FOXN3: variants seen among roughly 807,000 people sequenced by gnomAD.
FOXN3 encodes forkhead box protein N3.
In FOXN3, 7 loss-of-function variants were observed where a neutral mutation model predicts 38.4. The observed-to-expected ratio is 0.18, with a 90% CI of 0.10 to 0.34. The LOEUF is 0.34. FOXN3 is among the 10% of genes least tolerant of loss of function. The pLI, the probability that FOXN3 is intolerant of heterozygous loss-of-function variation, is 1.00. For synonymous variants in FOXN3, 230 were observed against 242.2 expected, an observed-to-expected ratio of 0.95 and a Z score of 0.47; for missense variants, 456 against 613.4, an observed-to-expected ratio of 0.74 and a Z score of 2.71.
At chr14:89,465,050 T>C (rs545575213) in intron 1 of FOXN3, among the ~76,000 whole-genome samples, 1 of 152,192 alleles carries the variant, frequency 6.6e-6, no homozygotes, top group Admixed American at 6.5e-5. Flanking sequence ...CTGATGGTTT[T>C]ATAAGGGCCT....
chr14:89,426,047 G>T (rs1332632601), intron 1 of FOXN3, among the ~76,000 whole-genome samples: 1 of 151,806 alleles, frequency 6.6e-6, no homozygotes, highest in Non-Finnish European at 1.5e-5. Context: ...ACAGCAAAAT[G>T]AACAAAAATG....
At chr14:89,597,006 G>A (rs1432369677) in intron 1 of FOXN3, among the ~76,000 whole-genome samples, 2 of 151,800 alleles carry the variant, frequency 1.3e-5, no homozygotes, top group African/African-American at 2.4e-5. Context: ...CTTCAACACT[G>A]TAAAAAAAAT....
chr14:89,547,495 A>G (rs1051690460), intron 1 of FOXN3, among the ~76,000 whole-genome samples: 10 of 151,814 alleles, frequency 6.6e-5, no homozygotes, highest in African/African-American at 2.4e-4. Flanking sequence ...ATGGGGTTTC[A>G]CCATGTTGGC....
At chr14:89,167,767 T>G (rs1887279188) in intron 5 of FOXN3, among the ~76,000 whole-genome samples, 1 of 152,184 alleles carries the variant, frequency 6.6e-6, no homozygotes, top group Non-Finnish European at 1.5e-5. Context: ...AAATAAAACA[T>G]TTTAAAGTAA....
chr14:89,284,200 G>C (rs1566946364), intron 3 of FOXN3, among the ~76,000 whole-genome samples: 1 of 151,654 alleles, frequency 6.6e-6, no homozygotes, highest in Non-Finnish European at 1.5e-5. Flanking sequence ...TTTTTAAATT[G>C]AGACGAAGTC....
At chr14:89,533,996 T>C (rs78980048) in intron 1 of FOXN3, among the ~76,000 whole-genome samples, 8,914 of 152,124 alleles carry the variant, frequency 0.059, 475 homozygotes, top group East Asian at 0.28. Context: ...CCTTGGTAAG[T>C]GTCACCTTGT....
chr14:89,235,490 T>C (rs1336435365), intron 4 of FOXN3, among the ~76,000 whole-genome samples: 3 of 152,148 alleles, frequency 2.0e-5, no homozygotes, highest in African/African-American at 7.2e-5. Flanking sequence ...CAGCAGGTCT[T>C]TGGAACTGTG....
intron 2 of FOXN3, among the ~76,000 whole-genome samples, chr14:89,394,230 T>C (rs1268669669): frequency 1.3e-5 from 2 of 149,174 alleles, no homozygotes; most frequent in Admixed American, 6.7e-5. Flanking sequence ...TTTTTTTTTT[T>C]TTTTGAGATG....
chr14:89,490,927 C>T (rs2139773872), intron 1 of FOXN3, among the ~76,000 whole-genome samples: 1 of 152,292 alleles, frequency 6.6e-6, no homozygotes, highest in East Asian at 1.9e-4. Context: ...CGTCATGGCC[C>T]TTGTCTTTAA....
At chr14:89,426,257 T>A (rs567488553) in intron 1 of FOXN3, among the ~76,000 whole-genome samples, 2 of 135,520 alleles carry the variant, frequency 1.5e-5, no homozygotes, top group Non-Finnish European at 3.1e-5. Context: ...AGGGTCTTGC[T>A]CTTGTCACCC....
At chr14:89,395,068 A>T in intron 2 of FOXN3, among the ~76,000 whole-genome samples, 1 of 152,222 alleles carries the variant, frequency 6.6e-6, no homozygotes, top group East Asian at 1.9e-4. Flanking sequence ...CATGTGCAAC[A>T]TTGTTATGTA....
rs535609312 is a variant in FOXN3, at chr14:89,298,291, G to C, written c.681-17277C>G. ...TGCCAGGAACTAGGTGGAGGGGAAC[G>C]GGGGGAGTGGTTGTTTAATGAGTAC... On this transcript the variant is annotated intron_variant, in intron 3 of 5. Coordinates refer to ENST00000557258, the MANE Select transcript of FOXN3 (RefSeq NM_005197.4). 9.2e-5 allele frequency among the ~76,000 whole-genome samples: 14 copies of C among 152,180 alleles called. No individual in the cohort carries two copies. The South Asian group carries it at 1.9e-3, about 20-fold the overall frequency.
chr14:89,586,830 A>T lies in FOXN3; in HGVS notation c.-15+32198T>A, dbSNP rs183168062. 2.1e-4 allele frequency among the ~76,000 whole-genome samples: 32 copies of T among 152,326 alleles called. 1 individual carries two copies. Among genetic ancestry groups the T allele is most frequent in the African/African-American group, 7.5e-4 (31 of 41,570 alleles). Reference sequence around the variant, plus strand: ...GCTGAAAGACCCAGATTTGATTGTAAGCTTTTCCTATCAATGCAAAAAGGG... The same window carrying T: ...GCTGAAAGACCCAGATTTGATTGTATGCTTTTCCTATCAATGCAAAAAGGG... On this transcript the variant is annotated intron_variant, in intron 1 of 6. Transcript: ENST00000345097.
chr14:89,187,009 G>A (rs1304092735), intron 4 of FOXN3, among the ~76,000 whole-genome samples: 2 of 152,206 alleles, frequency 1.3e-5, no homozygotes, highest in South Asian at 2.1e-4. Flanking sequence ...ACTGTGGCCA[G>A]TCTGCCGGCC....
intron 1 of FOXN3, among the ~76,000 whole-genome samples, chr14:89,536,031 A>G (rs1470822245): frequency 1.3e-5 from 2 of 152,260 alleles, no homozygotes; most frequent in African/African-American, 4.8e-5. Context: ...AGTTGTAAAT[A>G]ACGGCACATG....
At chr14:89,358,375 G>C (rs1374219477) in intron 2 of FOXN3, among the ~76,000 whole-genome samples, 1 of 152,188 alleles carries the variant, frequency 6.6e-6, no homozygotes, top group Non-Finnish European at 1.5e-5. Context: ...GGTCCTGTGG[G>C]ATGGGTGGGG....
intron 5 of FOXN3, among the ~76,000 whole-genome samples, chr14:89,168,815 A>C (rs1438513128): frequency 6.6e-6 from 1 of 152,228 alleles, no homozygotes; most frequent in Non-Finnish European, 1.5e-5. Flanking sequence ...GACACATCAC[A>C]GTCAAACTTT....
chr14:89,159,967 G>C lies in FOXN3; in HGVS notation c.*2447C>G, dbSNP rs1334811420. 7 of 152,214 alleles carry C rather than the reference G, an allele frequency of 4.6e-5. No individual in the cohort carries two copies. The highest frequency in any genetic ancestry group is 1.3e-4 in the Admixed American group (2 of 15,284). 9.4% of individuals were successfully genotyped at this position (152,214 alleles called of 1,614,324 possible). Reference sequence around the variant, plus strand: ...TCTCTCATCAGCAACCCACCGGAAGGTAAGTGTGGGGAATGCACCAGTTAG... The same window carrying C: ...TCTCTCATCAGCAACCCACCGGAAGCTAAGTGTGGGGAATGCACCAGTTAG... On this transcript the variant is annotated 3_prime_UTR_variant, in exon 6 of 6. Transcript: ENST00000557258.
chr14:89,221,108 G>A (rs1291409258), intron 4 of FOXN3, among the ~76,000 whole-genome samples: 1 of 152,106 alleles, frequency 6.6e-6, no homozygotes, highest in Non-Finnish European at 1.5e-5. Context: ...GCCTGTGTGT[G>A]TAATACAAGC....
Sources: allele counts gnomAD v4.1 joint callset (sites outside exome capture counted in the v4.1 genomes callset), GRCh38; gene constraint gnomAD v4.1.1; transcripts MANE v1.5; gene names NCBI Gene and HGNC (gene_info 2026-07-23, HGNC 2026-07-21).